PRUNE2: variants seen among roughly 807,000 people sequenced by gnomAD.
PRUNE2 encodes the protein protein prune homolog 2.
PRUNE2 carries 164 observed loss-of-function variants against 252.0 expected under a neutral mutation model. That is an observed-to-expected ratio of 0.65 (90% confidence interval 0.57 to 0.74). The LOEUF is 0.74. Ranked by LOEUF, PRUNE2 falls within the 30% of genes least tolerant of loss-of-function variation. The pLI, the probability that PRUNE2 is intolerant of heterozygous loss-of-function variation, is 0.00. For missense variants in PRUNE2, 3,495 were observed against 3,711.0 expected (o/e 0.94, Z 1.51); for synonymous variants, 1,292 against 1,350.2 (o/e 0.96, Z 0.94).
intron 9 of PRUNE2, among the ~76,000 whole-genome samples, chr9:76,657,163 T>C (rs1032314975): frequency 6.6e-6 from 1 of 152,252 alleles, no homozygotes; most frequent in Non-Finnish European, 1.5e-5. Context: ...TCATTTTGTG[T>C]GTTCTCCTTG....
chr9:76,836,606 T>G (rs11145093), intron 4 of PRUNE2, among the ~76,000 whole-genome samples: 62 of 152,042 alleles, frequency 4.1e-4, no homozygotes, highest in African/African-American at 1.5e-3. Context: ...CCTTTCCAAA[T>G]GAAAGTGGAT....
chr9:76,631,945 G>T (rs1837824206), intron 15 of PRUNE2, among the ~76,000 whole-genome samples: 1 of 152,200 alleles, frequency 6.6e-6, no homozygotes, highest in Non-Finnish European at 1.5e-5. Flanking sequence ...ATGACCTCCA[G>T]CTCCATCCAT....
rs1175468206 is a variant in PRUNE2, at chr9:76,619,395, C to T, written c.9189-8G>A. On this transcript the variant is annotated splice_region_variant and splice_polypyrimidine_tract_variant and intron_variant, in intron 17 of 18. Coordinates refer to ENST00000376718, the MANE Select transcript of PRUNE2 (RefSeq NM_015225.3). ...TTGTAAAGGCAGCTAGTTCTGAGTGCAAGGAAAAAATAGGAAGCAGTCAAC... is the reference window on the plus strand; with the variant it reads ...TTGTAAAGGCAGCTAGTTCTGAGTGTAAGGAAAAAATAGGAAGCAGTCAAC... The T allele has an allele frequency of 2.5e-6, 4 of 1,599,208 alleles. No individual in the cohort carries two copies. Among genetic ancestry groups the T allele is most frequent in the Admixed American group, 1.7e-5 (1 of 58,940 alleles).
Position 76,710,476 on chromosome 9 carries a change from T to G in PRUNE2, c.1798A>C (p.Arg600=), listed in dbSNP as rs746533738. ...ATCCTCTTTCCAGTATTTTTTAGCC[T>G]TTCTGGGGAAGGGGATTCATCTCCC... ...FVGDESPSPE[R]LKNTGKRIPP... is the part of the protein sequence containing the mutation. The change falls in exon 8 of 19, where the codon AGG becomes CGG. Residue 600 remains arginine, a synonymous_variant. Transcript: ENST00000376718. 1.9e-6 allele frequency: 3 copies of G among 1,613,902 alleles called. No individual in the cohort carries two copies. Among genetic ancestry groups the G allele is most frequent in the African/African-American group, 1.3e-5 (1 of 74,934 alleles).
At chr9:76,782,013 G>A (rs2054465550) in intron 6 of PRUNE2, among the ~76,000 whole-genome samples, 1 of 152,108 alleles carries the variant, frequency 6.6e-6, no homozygotes, top group African/African-American at 2.4e-5. Flanking sequence ...AGGAGATTGA[G>A]ACCATCCTGG....
Position 76,637,550 on chromosome 9 carries a change from C to G in PRUNE2, c.8832-1G>C. On this transcript the variant is annotated splice_acceptor_variant, in intron 13 of 18. Transcript: ENST00000376718. LOFTEE classifies it high-confidence loss of function. ...CAACTCTAAAGTACTTATTACATAT[C>G]TGATCACAGGAAGGAAGAGGAATGT... The G allele has an allele frequency of 6.2e-7, 1 of 1,610,424 alleles. No individual in the cohort carries two copies. The highest frequency in any genetic ancestry group is 1.1e-5 in the South Asian group (1 of 90,368).
intron 1 of PRUNE2, among the ~76,000 whole-genome samples, chr9:76,879,899 ATATATTTTTTT>A (rs1248785249): frequency 1.3e-5 from 1 of 76,044 alleles, no homozygotes; most frequent in Non-Finnish European, 2.2e-5. Flanking sequence ...ATATATATAT[ATATATTTTTTT>A]TTTTTTTTTT....
At chr9:76,900,966 A>G (rs1411676430) in intron 1 of PRUNE2, among the ~76,000 whole-genome samples, 2 of 152,220 alleles carry the variant, frequency 1.3e-5, no homozygotes, top group African/African-American at 4.8e-5. Flanking sequence ...CAAAGCCATC[A>G]GCTGTTTACT....
chr9:76,893,448 G>A (rs1393005698), intron 1 of PRUNE2, among the ~76,000 whole-genome samples: 2 of 152,214 alleles, frequency 1.3e-5, no homozygotes, highest in Non-Finnish European at 2.9e-5. Context: ...CTGAAGTGAT[G>A]GGTCAGAGTG....
chr9:76,795,368 C>T (rs940948618), intron 6 of PRUNE2, among the ~76,000 whole-genome samples: 1 of 152,152 alleles, frequency 6.6e-6, no homozygotes, highest in Non-Finnish European at 1.5e-5. Flanking sequence ...AGAAGTCAGG[C>T]ACTAGACCCA....
intron 6 of PRUNE2, among the ~76,000 whole-genome samples, chr9:76,797,552 C>T (rs1196169739): frequency 6.6e-6 from 1 of 152,078 alleles, no homozygotes; most frequent in African/African-American, 2.4e-5. Context: ...TTACATTCAC[C>T]AAGCCGTCTT....
chr9:76,738,079 T>C (rs191561537), intron 6 of PRUNE2: 2 of 152,352 alleles, frequency 1.3e-5, no homozygotes, highest in East Asian at 3.9e-4. Context: ...AAGTGTTTTT[T>C]TTCTGGTGGT....
chr9:76,711,625 C>T (rs1256682843), intron 7 of PRUNE2, among the ~76,000 whole-genome samples: 3 of 152,132 alleles, frequency 2.0e-5, no homozygotes, highest in African/African-American at 4.8e-5. Context: ...GTTTAAACCA[C>T]CTATTCTTTC....
intron 6 of PRUNE2, among the ~76,000 whole-genome samples, chr9:76,776,083 T>C (rs1219913276): frequency 6.6e-6 from 1 of 152,220 alleles, no homozygotes; most frequent in Non-Finnish European, 1.5e-5. Flanking sequence ...CACAGAGTAA[T>C]CAACTCATGA....
chr9:76,693,778 G>A (rs374453026), intron 9 of PRUNE2, among the ~76,000 whole-genome samples: 7,641 of 152,176 alleles, frequency 0.05, 256 homozygotes, highest in Non-Finnish European at 0.074. Flanking sequence ...GGGAGTAGAT[G>A]AAGAAGGTGC....
intron 6 of PRUNE2, among the ~76,000 whole-genome samples, chr9:76,721,514 TTTTG>T (rs980808625): frequency 4.3e-4 from 65 of 152,226 alleles, no homozygotes; most frequent in African/African-American, 1.3e-3. Flanking sequence ...TTCTGGGTTT[TTTTG>T]TTTGTTTGTT....
At position 76,705,345 on chromosome 9, in the gene PRUNE2, T is replaced by C; in HGVS notation, c.6929A>G (p.Asn2310Ser). Residue 2310 changes from asparagine to serine, a missense_variant, in exon 8 of 19, where the codon AAC (asparagine) becomes AGC (serine). Coordinates refer to ENST00000376718, the MANE Select transcript of PRUNE2 (RefSeq NM_015225.3). ...GTCATCTATTGTTCCCGTGGATGTG[T>C]TGAGACCTGAGGCATCGCTGAAACT... ...DHSFSDASGL[N>S]TSTGTIDDMS... 2 of 1,614,026 alleles carry C rather than the reference T, an allele frequency of 1.2e-6. No individual in the cohort carries two copies. The highest frequency in any genetic ancestry group is 1.7e-6 in the Non-Finnish European group (2 of 1,179,888).
chr9:76,663,780 C>T (rs1043727246), intron 9 of PRUNE2, among the ~76,000 whole-genome samples: 3 of 152,162 alleles, frequency 2.0e-5, no homozygotes, highest in African/African-American at 7.2e-5. Flanking sequence ...CTACCTCTTG[C>T]CTGCAGGCTA....
intron 9 of PRUNE2, chr9:76,700,040 G>C (rs941261000): frequency 4.0e-4 from 61 of 152,186 alleles, no homozygotes; most frequent in African/African-American, 1.4e-3. Flanking sequence ...TTGATCCTAG[G>C]GAACATGAAT....
Sources: gnomAD v4.1 joint callset for allele counts (sites outside exome capture counted in the v4.1 genomes callset) on GRCh38, gnomAD v4.1.1 for gene constraint, MANE v1.5 for transcripts, NCBI Gene and HGNC (gene_info 2026-07-23, HGNC 2026-07-21) for gene names.